Variants in DNAH17 observed in about 807,000 individuals in gnomAD.
DNAH17 encodes dynein axonemal heavy chain 17.
DNAH17 carries 376 observed loss-of-function variants against 485.6 expected under a neutral mutation model. That is an observed-to-expected ratio of 0.77 (90% CI 0.71 to 0.84). DNAH17 has a LOEUF of 0.84. Among genes scored for constraint, DNAH17 ranks in the 40% least tolerant of loss-of-function variants. DNAH17 has a pLI of 0.00. For synonymous variants in DNAH17, 3,031 were observed against 2,405.9 expected (o/e 1.26, Z -7.60); for missense variants, 6,370 against 5,839.3 (o/e 1.09, Z -2.96).
chr17:78,457,385 A>C (rs2087855204), intron 62 of DNAH17, among the ~76,000 whole-genome samples: 2 of 151,780 alleles, frequency 1.3e-5, no homozygotes, highest in Admixed American at 1.3e-4. Context: ...AAAACAAAAC[A>C]AAACAAAACA....
intron 20 of DNAH17, 38 bp downstream of exon 20, chr17:78,532,444 T>G: frequency 1.3e-6 from 2 of 1,576,136 alleles, no homozygotes; most frequent in Non-Finnish European, 1.7e-6. Context: ...TGGAAGACTC[T>G]GGAGACAAGG....
In DNAH17 at chr17:78,553,283, G is replaced by GTT. The variant is rs60587420; in HGVS notation, c.2179-480_2179-479dup. On this transcript the variant is annotated intron_variant, in intron 14 of 80. Transcript: ENST00000389840. ...AAATTACCCAGTCCCAGGTTTTTGT[G>GTT]TTTTTTTTTTTTTTTTTTTTTTTTT... Among the ~76,000 whole-genome samples the GTT allele has an allele frequency of 1.2e-3, 59 of 51,034 alleles. 10 individuals are homozygous for GTT. The highest frequency in any genetic ancestry group is 1.4e-3 in the Non-Finnish European group (41 of 28,888). The allele number at this position is 51,034 out of a possible 152,430, so 33.5% of individuals were successfully genotyped here. A position where few individuals can be genotyped will look rare whatever the true frequency, so the allele number is the denominator to read the frequency against.
Position 78,506,770 on chromosome 17 carries a change from A to T in DNAH17, c.4753T>A (p.Ser1585Thr). 1 of 1,613,970 alleles carries T rather than the reference A, an allele frequency of 6.2e-7. No individual in the cohort carries two copies. The highest frequency in any genetic ancestry group is 1.3e-5 in the African/African-American group (1 of 75,024). ...AGAATGTCCAGGAGGTCAGCCGAGGAGACAAAATAGAACCGGGGGAAAGCC... is the reference window on the plus strand; with the variant it reads ...AGAATGTCCAGGAGGTCAGCCGAGGTGACAAAATAGAACCGGGGGAAAGCC... ...RLAFPRFYFV[S>T]SADLLDILSN... Residue 1585 changes from serine (S) to threonine (T), a missense_variant, in exon 30 of 81, where the codon TCC becomes ACC. Coordinates refer to ENST00000389840, the MANE Select transcript of DNAH17 (RefSeq NM_173628.4).
chr17:78,466,846 T>C (rs2146557939), intron 55 of DNAH17, 30 bp from the exon 56 acceptor site: 2 of 1,530,698 alleles, frequency 1.3e-6, no homozygotes, highest in Non-Finnish European at 1.8e-6. Context: ...ATGCGCTGCC[T>C]ACTGGGACTG....
chr17:78,496,085 C>T, intron 37 of DNAH17, 53 bp from the exon 38 acceptor site: 1 of 1,575,104 alleles, frequency 6.3e-7, no homozygotes, highest in South Asian at 1.2e-5. Context: ...AGCTTCCACA[C>T]ACCAGAGAGG....
rs138228550 is a variant in DNAH17, at chr17:78,462,558, A to G, written c.9174+286T>C. Among the ~76,000 whole-genome samples the G allele has an allele frequency of 7.4e-4, 112 of 152,344 alleles. No homozygotes were observed. The East Asian group carries it at 0.017, about 23-fold the overall frequency. ...TGCATTTGTATTGACTGCATTGGGC[A>G]TGATGATCAAATCTCACCCGACATG... is the stretch of plus-strand genomic sequence containing the variant. On this transcript the variant is annotated intron_variant, in intron 57 of 80. Coordinates refer to ENST00000389840, the MANE Select transcript of DNAH17 (RefSeq NM_173628.4).
chr17:78,506,427 T>C (rs1235750347), intron 30 of DNAH17, among the ~76,000 whole-genome samples: 2 of 152,166 alleles, frequency 1.3e-5, no homozygotes, highest in Non-Finnish European at 2.9e-5. Flanking sequence ...AACAGTGTCT[T>C]ACTAAGCCTC....
chr17:78,524,885 A>T, intron 25 of DNAH17, 124 bp downstream of exon 25: 1 of 1,389,938 alleles, frequency 7.2e-7, no homozygotes, highest in Non-Finnish European at 9.6e-7. Context: ...GCCTCCACCC[A>T]ACACCAGAAA....
chr17:78,550,762 G>A (rs145898270), intron 16 of DNAH17, among the ~76,000 whole-genome samples: 3 of 152,322 alleles, frequency 2.0e-5, no homozygotes, highest in African/African-American at 7.2e-5. Flanking sequence ...GGCCGTTTCT[G>A]GAGCAGTGAA....
chr17:78,516,821 A>G (rs2090797489), intron 25 of DNAH17, among the ~76,000 whole-genome samples: 1 of 152,150 alleles, frequency 6.6e-6, no homozygotes, highest in South Asian at 2.1e-4. Flanking sequence ...GTCTCCAAAC[A>G]TGTTTCTCCC....
intron 69 of DNAH17, among the ~76,000 whole-genome samples, chr17:78,448,869 C>T (rs1002777474): frequency 1.3e-5 from 2 of 152,192 alleles, no homozygotes; most frequent in Admixed American, 6.5e-5. Flanking sequence ...TATGGAACTT[C>T]CCAGACCCCA....
chr17:78,425,390 G>A lies in DNAH17; in HGVS notation c.13097C>T (p.Ala4366Val), dbSNP rs1313642977. The change falls in exon 80 of 81, where the codon GCT (alanine) becomes GTT (valine). Residue 4366 changes from alanine to valine, a missense_variant. Ala to Val is a moderately conservative substitution (Grantham distance 64). Transcript: ENST00000389840. The stretch of plus-strand genomic sequence containing the variant: ...CACGTAGGAGCCCTCTCGCGGAGGA[G>A]CGGTCATGTCCTCTCGGTTTTTCTT... ...VTKKNREDMT[A>V]PPREGSYVYG... The A allele has an allele frequency of 6.8e-6, 11 of 1,614,044 alleles. No homozygotes were observed. In the Admixed American group the frequency reaches 1.5e-4, roughly 22 times the overall value.
At chr17:78,484,217 T>G (rs1428211258) in intron 48 of DNAH17, among the ~76,000 whole-genome samples, 1 of 149,878 alleles carries the variant, frequency 6.7e-6, no homozygotes, top group Non-Finnish European at 1.5e-5. Context: ...AAATCTGCAC[T>G]CTGTCCCGAG....
chr17:78,576,802 CAT>C (rs1174847634), intron 1 of DNAH17, among the ~76,000 whole-genome samples: 1 of 152,206 alleles, frequency 6.6e-6, no homozygotes, highest in Non-Finnish European at 1.5e-5. Context: ...CAAGCCATAA[CAT>C]GTGTGGGCTG....
chr17:78,542,762 G>A (rs995504243), intron 17 of DNAH17, among the ~76,000 whole-genome samples: 8 of 152,174 alleles, frequency 5.3e-5, no homozygotes, highest in African/African-American at 1.4e-4. Context: ...CAAAGCAGGC[G>A]TGCATTATCA....
At chr17:78,537,562 G>T in intron 18 of DNAH17, 81 bp from the exon 19 acceptor site, 1 of 1,458,042 alleles carries the variant, frequency 6.9e-7, no homozygotes, top group Non-Finnish European at 9.4e-7. Context: ...CATCCACTCC[G>T]TACCATCAAT....
intron 6 of DNAH17, 100 bp downstream of exon 6, chr17:78,570,848 C>T: frequency 1.6e-6 from 1 of 618,280 alleles, no homozygotes. Context: ...CAGAGCGAGA[C>T]TCCCTCTCAA....
intron 9 of DNAH17, 37 bp from the exon 10 acceptor site, chr17:78,567,203 C>T (rs772126674): frequency 1.5e-5 from 23 of 1,562,248 alleles, no homozygotes; most frequent in Non-Finnish European, 1.9e-5. Context: ...TTCATCTTCA[C>T]AACCCAACTC....
intron 44 of DNAH17, among the ~76,000 whole-genome samples, chr17:78,488,021 A>G (rs1035114787): frequency 2.6e-5 from 4 of 152,230 alleles, no homozygotes; most frequent in Non-Finnish European, 5.9e-5. Flanking sequence ...CTGAATTCCA[A>G]GTCCAGTTGG....
Sources: allele counts gnomAD v4.1 joint callset (sites outside exome capture counted in the v4.1 genomes callset), GRCh38; gene constraint gnomAD v4.1.1; transcripts MANE v1.5; gene names NCBI Gene and HGNC (gene_info 2026-07-23, HGNC 2026-07-21).